DKKL1: variants seen among roughly 807,000 people sequenced by gnomAD.
The protein encoded by DKKL1 is dickkopf-like protein 1.
DKKL1 carries 11 observed loss-of-function variants against 16.5 expected under a neutral mutation model. The observed-to-expected ratio is 0.67, with a 90% CI of 0.42 to 1.10. DKKL1 has a LOEUF of 1.10. Ranked by LOEUF, DKKL1 falls within the 50% of genes least tolerant of loss-of-function variation. The pLI is 0.00. For missense variants in DKKL1, 320 were observed against 308.1 expected (o/e 1.04, Z -0.29); for synonymous variants, 119 against 133.2 (o/e 0.89, Z 0.73).
chr19:49,369,156 G>A (rs1279339870), intron 4 of DKKL1: 1 of 152,052 alleles, frequency 6.6e-6, no homozygotes, highest in East Asian at 1.9e-4. Flanking sequence ...CCTTTCTACA[G>A]AAAGTAAAAT....
At chr19:49,363,838 G>A, upstream of DKKL1, 2 of 1,050,006 alleles carry the variant, frequency 1.9e-6, no homozygotes, top group Non-Finnish European at 2.9e-6. Context: ...CAATAGGGGC[G>A]TGGCTACGGC....
chr19:49,368,488 A>AAAATAAATAAATAAAT (rs1039855646), intron 4 of DKKL1, among the ~76,000 whole-genome samples: 19 of 151,158 alleles, frequency 1.3e-4, no homozygotes, highest in African/African-American at 4.2e-4. Context: ...TCTGTCTCAA[A>AAAATAAATAAATAAAT]AAATAAATAA....
intron 4 of DKKL1, among the ~76,000 whole-genome samples, chr19:49,372,638 G>A (rs1355686528): frequency 2.0e-5 from 3 of 150,782 alleles, no homozygotes; most frequent in African/African-American, 7.3e-5. Context: ...AGCTTGCAGT[G>A]AGCCGAGATC....
In DKKL1 at chr19:49,374,794, C is replaced by G. The variant is rs944949754; in HGVS notation, c.495C>G (p.Pro165=). The G allele has an allele frequency of 3.1e-6, 5 of 1,611,946 alleles. No individual in the cohort carries two copies. The African/African-American group carries it at 6.7e-5, about 22-fold the overall frequency. Residue 165 remains proline (P), a synonymous_variant, in exon 5 of 5, where the codon CCC becomes CCG. Coordinates refer to ENST00000221498, the MANE Select transcript of DKKL1 (RefSeq NM_014419.4). ...ACAGCTTCCACACAGAACTCCATCC[C>G]CGGGTGGCCTTCTGGATCATTAAGC... ...ATDSFHTELH[P]RVAFWIIKLP... is the part of the protein sequence containing the mutation.
intron 4 of DKKL1, among the ~76,000 whole-genome samples, chr19:49,366,272 A>T (rs184579394): frequency 7.9e-5 from 12 of 152,198 alleles, no homozygotes; most frequent in Admixed American, 6.5e-4. Context: ...CAAGAAGAGG[A>T]ACTGACCCTC....
intron 1 of DKKL1, 115 bp from the exon 2 acceptor site, chr19:49,364,467 C>T (rs868233204): frequency 1.2e-5 from 9 of 778,322 alleles, no homozygotes; most frequent in South Asian, 1.9e-5. Flanking sequence ...GGGAAATGAG[C>T]GCGGTGTGGG....
intron 4 of DKKL1, chr19:49,369,911 C>T (rs548605813): frequency 1.2e-3 from 176 of 152,320 alleles, no homozygotes; most frequent in Non-Finnish European, 2.2e-3. Context: ...CTGTCCATGG[C>T]GAATCCATGG....
In DKKL1 at chr19:49,364,478, A is replaced by T. The variant is rs79220639; in HGVS notation, c.11-104A>T. The T allele has an allele frequency of 1.2e-3, 1,030 of 879,350 alleles. 6 individuals are homozygous for T. The African/African-American group carries it at 0.015, about 13-fold the overall frequency. 54.5% of individuals were successfully genotyped at this position (879,350 alleles called of 1,614,324 possible). A position where few individuals can be genotyped will look rare whatever the true frequency, so the allele number is the denominator to read the frequency against. On this transcript the variant is annotated intron_variant, in intron 1 of 4. Transcript: ENST00000221498. ...GTGGGGGAAATGAGCGCGGTGTGGG[A>T]GTTGCCTGAACTGGGGAGGCGACCT... is the stretch of plus-strand genomic sequence containing the variant.
chr19:49,369,235 G>T (rs770235159), intron 4 of DKKL1: 1 of 152,108 alleles, frequency 6.6e-6, no homozygotes, highest in South Asian at 2.1e-4. Context: ...CAAGCATTTT[G>T]ATTCTAACAC....
At chr19:49,360,922 G>T (rs1600806619), upstream of DKKL1, among the ~76,000 whole-genome samples, 1 of 127,264 alleles carries the variant, frequency 7.9e-6, no homozygotes, top group Admixed American at 8.0e-5. Context: ...AGAGAGAAGG[G>T]GACAGAGACC....
Position 49,374,909 on chromosome 19 carries a change from C to T in DKKL1, c.610C>T (p.Leu204Phe). 6.2e-7 allele frequency: 1 copy of T among 1,614,070 alleles called. No individual in the cohort carries two copies. ...CCGCCTGCAGGCCATCCGGGATGGA[C>T]TCCGCAAGGGGACCCACAAGGACGT... is the stretch of plus-strand genomic sequence containing the variant. ...RHRLQAIRDGLRKGTHKDVLE... is the reference protein window; with the variant it reads ...RHRLQAIRDGFRKGTHKDVLE... The change falls in exon 5 of 5, where the codon CTC becomes TTC. Residue 204 changes from leucine (L) to phenylalanine (F), a missense_variant. Coordinates refer to ENST00000221498, the MANE Select transcript of DKKL1 (RefSeq NM_014419.4).
upstream of DKKL1, among the ~76,000 whole-genome samples, chr19:49,361,023 C>CT: frequency 2.2e-5 from 1 of 44,640 alleles, no homozygotes; most frequent in African/African-American, 1.2e-4. Flanking sequence ...GGGACAGAGA[C>CT]CAGAGGGAGG....
intron 4 of DKKL1, among the ~76,000 whole-genome samples, chr19:49,367,829 A>AATAT (rs1458622763): frequency 6.6e-6 from 1 of 152,192 alleles, no homozygotes; most frequent in Non-Finnish European, 1.5e-5. Context: ...TATGATACCC[A>AATAT]CGTACACCCA....
Position 49,374,896 on chromosome 19 carries a change from C to T in DKKL1, c.597C>T (p.Ala199=), listed in dbSNP as rs1343682352. 6.2e-7 allele frequency: 1 copy of T among 1,614,064 alleles called. No homozygotes were observed. Among genetic ancestry groups the T allele is most frequent in the Admixed American group, 1.7e-5 (1 of 60,022 alleles). Residue 199 remains alanine (A), a synonymous_variant, in exon 5 of 5, where the codon GCC becomes GCT. Transcript: ENST00000221498. ...WLSEKRHRLQ[A]IRDGLRKGTH... is the part of the protein sequence containing the mutation. ...GCGAGAAGCGACACCGCCTGCAGGC[C>T]ATCCGGGATGGACTCCGCAAGGGGA...
chr19:49,369,061 G>A (rs998545664), intron 4 of DKKL1: 1 of 152,318 alleles, frequency 6.6e-6, no homozygotes, highest in East Asian at 1.9e-4. Context: ...GGACACAGCA[G>A]TAAGGACCCA....
intron 4 of DKKL1, 46 bp downstream of exon 4, chr19:49,365,931 CT>C: frequency 1.3e-6 from 2 of 1,556,290 alleles, no homozygotes; most frequent in Non-Finnish European, 1.7e-6. Context: ...CAAACATTTT[CT>C]TTTTTTCTTT....
At chr19:49,372,716 G>A (rs1315113551) in intron 4 of DKKL1, among the ~76,000 whole-genome samples, 3 of 144,322 alleles carry the variant, frequency 2.1e-5, no homozygotes, top group East Asian at 4.2e-4. Flanking sequence ...AAAATACAAA[G>A]TATGGCCAGG....
At chr19:49,364,069 G>A in intron 1 of DKKL1, 61 bp downstream of exon 1, 8 of 1,601,358 alleles carry the variant, frequency 5.0e-6, no homozygotes, top group Non-Finnish European at 6.8e-6. Context: ...ATTGGATGAG[G>A]CCGGGTGCTG....
Position 49,374,950 on chromosome 19 carries a change from C to G in DKKL1, c.651C>G (p.Thr217=). 6.2e-7 allele frequency: 1 copy of G among 1,613,694 alleles called. No individual in the cohort carries two copies. Among genetic ancestry groups the G allele is most frequent in the Non-Finnish European group, 8.5e-7 (1 of 1,179,884 alleles). The change falls in exon 5 of 5, where the codon ACC becomes ACG. Residue 217 remains threonine (T), a synonymous_variant. Coordinates refer to ENST00000221498, the MANE Select transcript of DKKL1 (RefSeq NM_014419.4). Reference sequence around the variant, plus strand: ...ACAAGGACGTCCTAGAAGAGGGGACCGAGAGCTCCTCCCACTCCAGGCTGT... The same window carrying G: ...ACAAGGACGTCCTAGAAGAGGGGACGGAGAGCTCCTCCCACTCCAGGCTGT... ...GTHKDVLEEG[T]ESSSHSRLSP... is the part of the protein sequence containing the mutation.
Sources: allele counts gnomAD v4.1 joint callset (sites outside exome capture counted in the v4.1 genomes callset), GRCh38; gene constraint gnomAD v4.1.1; transcripts MANE v1.5; gene names NCBI Gene and HGNC (gene_info 2026-07-23, HGNC 2026-07-21).